CASD1: variants seen among roughly 807,000 people sequenced by gnomAD.
CASD1 encodes N-acetylneuraminate (7)9-O-acetyltransferase.
In CASD1, 41 loss-of-function variants were observed where a neutral mutation model predicts 100.0. That is an observed-to-expected ratio of 0.41 (90% CI 0.32 to 0.53). The LOEUF is 0.53. Ranked by LOEUF, CASD1 falls within the 20% of genes least tolerant of loss-of-function variation. The pLI, the probability that CASD1 is intolerant of heterozygous loss-of-function variation, is 0.25. For synonymous variants in CASD1, 321 were observed against 315.6 expected, an observed-to-expected ratio of 1.02 and a Z score of -0.18; for missense variants, 774 against 948.7, an observed-to-expected ratio of 0.82 and a Z score of 2.42.
chr7:94,538,828 CTG>C (rs1357283751), intron 9 of CASD1, 137 bp from the exon 10 acceptor site: 2 of 438,722 alleles, frequency 4.6e-6, no homozygotes, highest in African/African-American at 4.1e-5. Flanking sequence ...CAGTTTTTAA[CTG>C]TTTCTCACCA....
At chr7:94,544,255 C>G (rs1219637808) in intron 10 of CASD1, among the ~76,000 whole-genome samples, 156 bp from the exon 11 acceptor site, 2 of 152,108 alleles carry the variant, frequency 1.3e-5, no homozygotes, top group Non-Finnish European at 2.9e-5. Context: ...TTTTGTAATC[C>G]TTGCTATAAT....
In CASD1 at chr7:94,518,455, A is replaced by C. The variant is rs1794085286; in HGVS notation, c.351+132A>C. 4.5e-6 allele frequency: 3 copies of C among 666,526 alleles called. No individual in the cohort carries two copies. The Admixed American group carries it at 9.2e-5, about 20-fold the overall frequency. The allele number at this position is 666,526 out of a possible 1,614,324, so 41.3% of individuals were successfully genotyped here. ...ACTTTGATTTTCAGAAAGGTTGGGG[A>C]AAAAGAGGGATGAATTGCTTTAATG... On this transcript the variant is annotated intron_variant, in intron 3 of 17. Coordinates refer to ENST00000297273, the MANE Select transcript of CASD1 (RefSeq NM_022900.5).
At chr7:94,623,396 A>G in the CASD1 span, 1 of 1,590,178 alleles carries the variant, frequency 6.3e-7, no homozygotes, top group Non-Finnish European at 8.6e-7. Flanking sequence ...GTAGGCAGTT[A>G]TCTATTATAA....
At chr7:94,598,867 A>C in the CASD1 span, 1 of 1,612,948 alleles carries the variant, frequency 6.2e-7, no homozygotes, top group Non-Finnish European at 8.5e-7. Flanking sequence ...GGAACACAGG[A>C]AGCGTTGACA....
chr7:94,634,066 A>T, the CASD1 span, among the ~76,000 whole-genome samples: 1 of 152,208 alleles, frequency 6.6e-6, no homozygotes, highest in Non-Finnish European at 1.5e-5. Context: ...GAAGAAAGTC[A>T]TAAAGTATTG....
At chr7:94,539,249 A>T (rs75337214) in intron 10 of CASD1, among the ~76,000 whole-genome samples, 193 bp downstream of exon 10, 2,210 of 152,204 alleles carry the variant, frequency 0.015, 49 homozygotes, top group African/African-American at 0.05. Context: ...AATTTTTTTT[A>T]AAAAAGATAA....
At chr7:94,549,499 C>A (rs1228718539) in intron 13 of CASD1, 34 bp from the exon 14 acceptor site, 2 of 1,437,714 alleles carry the variant, frequency 1.4e-6, no homozygotes, top group Non-Finnish European at 1.9e-6. Flanking sequence ...TGACTTGTAC[C>A]ATCTTAATTT....
At position 94,555,806 on chromosome 7, in the gene CASD1, G is replaced by A. The variant is rs373732621; in HGVS notation, c.*48G>A. On this transcript the variant is annotated 3_prime_UTR_variant, in exon 18 of 18. Transcript: ENST00000297273. ...TAAACTCTTCAGGCTACCTTTGTGTGTCTCTAGAAGAGAAAAGCATCTATC... is the reference window on the plus strand; with the variant it reads ...TAAACTCTTCAGGCTACCTTTGTGTATCTCTAGAAGAGAAAAGCATCTATC... 1.3e-6 allele frequency: 2 copies of A among 1,537,796 alleles called. No homozygotes were observed. The highest frequency in any genetic ancestry group is 3.9e-5 in the Admixed American group (2 of 51,588).
the CASD1 span, among the ~76,000 whole-genome samples, chr7:94,572,385 T>C: frequency 2.0e-5 from 3 of 152,218 alleles, no homozygotes; most frequent in African/African-American, 4.8e-5. Flanking sequence ...AGACAACATA[T>C]AGTTGGATTA....
chr7:94,539,777 G>C (rs1229131304), intron 10 of CASD1, among the ~76,000 whole-genome samples: 1 of 151,864 alleles, frequency 6.6e-6, no homozygotes, highest in Non-Finnish European at 1.5e-5. Flanking sequence ...TATAGTTTAT[G>C]TTCTATCCTT....
the CASD1 span, among the ~76,000 whole-genome samples, chr7:94,586,354 A>T: frequency 6.6e-6 from 1 of 152,200 alleles, no homozygotes; most frequent in Admixed American, 6.5e-5. Context: ...TATAAACAGC[A>T]CTAAATCCAT....
chr7:94,599,727 G>A, the CASD1 span: 3 of 1,586,608 alleles, frequency 1.9e-6, no homozygotes, highest in Non-Finnish European at 2.6e-6. Context: ...CTTTTCCCTA[G>A]AAACAAAACA....
intron 10 of CASD1, 49 bp from the exon 11 acceptor site, chr7:94,544,361 AG>A (rs1307325594): frequency 1.9e-6 from 3 of 1,601,978 alleles, no homozygotes; most frequent in Non-Finnish European, 2.6e-6. Flanking sequence ...TGATAATCCA[AG>A]GTGTAGTTGA....
chr7:94,628,298 A>G, the CASD1 span: 23 of 1,611,792 alleles, frequency 1.4e-5, no homozygotes, highest in African/African-American at 2.0e-4. Context: ...GAAGCCATCC[A>G]GGTCGGTCTG....
At chr7:94,575,443 G>T in the CASD1 span, among the ~76,000 whole-genome samples, 1 of 152,170 alleles carries the variant, frequency 6.6e-6, no homozygotes, top group East Asian at 1.9e-4. Context: ...TTTTGCATTT[G>T]CTGAGGATTG....
At chr7:94,582,589 C>A in the CASD1 span, among the ~76,000 whole-genome samples, 1 of 152,138 alleles carries the variant, frequency 6.6e-6, no homozygotes, top group Non-Finnish European at 1.5e-5. Flanking sequence ...AATTTTCTCC[C>A]ATTCTGTAGG....
At chr7:94,603,047 C>G in the CASD1 span, among the ~76,000 whole-genome samples, 1 of 152,116 alleles carries the variant, frequency 6.6e-6, no homozygotes, top group African/African-American at 2.4e-5. Flanking sequence ...TCATTTGGAC[C>G]ACCTGCCAAG....
chr7:94,589,056 G>A, the CASD1 span: 1 of 364,724 alleles, frequency 2.7e-6, no homozygotes, highest in South Asian at 2.7e-5. Context: ...GGGCCACATA[G>A]CTAGGACATG....
intron 9 of CASD1, 83 bp downstream of exon 9, chr7:94,537,977 A>G (rs1795200669): frequency 3.8e-6 from 3 of 784,910 alleles, no homozygotes; most frequent in South Asian, 3.7e-5. Flanking sequence ...ATCATTTATC[A>G]TGACAAAATA....
Sources: allele counts gnomAD v4.1 joint callset (sites outside exome capture counted in the v4.1 genomes callset), GRCh38; gene constraint gnomAD v4.1.1; transcripts MANE v1.5; gene names NCBI Gene and HGNC (gene_info 2026-07-23, HGNC 2026-07-21).